TDRKH: variants seen among roughly 807,000 people sequenced by gnomAD.
TDRKH encodes the protein tudor and KH domain containing, also known as tudor and KH domain-containing protein.
Under a neutral mutation model 61.3 loss-of-function variants are expected in TDRKH, and 28 were observed. That is an observed-to-expected ratio of 0.46 (90% CI 0.34 to 0.63). The LOEUF is 0.63. Ranked by LOEUF, TDRKH falls within the 20% of genes least tolerant of loss-of-function variation. The pLI, the probability that TDRKH is intolerant of heterozygous loss-of-function variation, is 0.01. For missense variants in TDRKH, 540 were observed against 683.4 expected (o/e 0.79, Z 2.34); for synonymous variants, 219 against 244.4 (o/e 0.90, Z 0.97).
In TDRKH at chr1:151,774,732, G is replaced by A. The variant is rs1166098522; in HGVS notation, c.1611C>T (p.Thr537=). The A allele has an allele frequency of 6.2e-7, 1 of 1,614,168 alleles. No individual in the cohort carries two copies. The highest frequency in any genetic ancestry group is 8.5e-7 in the Non-Finnish European group (1 of 1,180,028). Residue 537 remains threonine (T), a synonymous_variant, in exon 12 of 13, where the codon ACC becomes ACT. Coordinates refer to ENST00000368824, the MANE Select transcript of TDRKH (RefSeq NM_001083965.2). The part of the protein sequence containing the change: ...TKKSSGEITH[T]LSCLSLSEAA... ...TACCTGATAAGCTGAGGCAGGACAG[G>A]GTATGTGTTATCTCTCCAGAGCTCT...
chr1:151,777,891 CT>C (rs916970307), intron 6 of TDRKH, among the ~76,000 whole-genome samples: 7 of 147,654 alleles, frequency 4.7e-5, no homozygotes, highest in Non-Finnish European at 6.0e-5. Flanking sequence ...GCCAGTATTT[CT>C]TTTTTTTTTA....
chr1:151,768,288 T>G, downstream of TDRKH: 1 of 1,557,926 alleles, frequency 6.4e-7, no homozygotes, highest in Non-Finnish European at 8.7e-7. Context: ...ATTTCACCCT[T>G]CTATCATGTC....
Position 151,774,764 on chromosome 1 carries a change from T to C in TDRKH, c.1579A>G (p.Thr527Ala). 1 of 1,614,196 alleles carries C rather than the reference T, an allele frequency of 6.2e-7. No individual in the cohort carries two copies. Among genetic ancestry groups the C allele is most frequent in the Middle Eastern group, 1.6e-4 (1 of 6,062 alleles). Reference protein sequence around the residue: ...DASLSTLLTETKKSSGEITHT... With the variant: ...DASLSTLLTEAKKSSGEITHT... ...GTTATCTCTCCAGAGCTCTTTTTGG[T>C]CTCAGTGAGCAACGTGCTGAGAGAG... The change falls in exon 12 of 13, where the codon ACC becomes GCC. Residue 527 changes from threonine (T) to alanine (A), a missense_variant. This residue lies in a region of TDRKH where 379 missense variants were observed against 443.8 expected (regional missense o/e 0.85). Transcript: ENST00000368824.
chr1:151,789,591 T>C (rs2101632723), intron 1 of TDRKH, among the ~76,000 whole-genome samples: 1 of 152,358 alleles, frequency 6.6e-6, no homozygotes. Flanking sequence ...GACATTTGTA[T>C]TGAACAATTG....
chr1:151,775,937 C>T (rs1450569660), intron 8 of TDRKH, 53 bp from the exon 9 acceptor site: 11 of 1,596,496 alleles, frequency 6.9e-6, no homozygotes, highest in Admixed American at 1.7e-5. Flanking sequence ...CATCTTCTTA[C>T]ATTGCTGCTT....
At chr1:151,779,618 C>T (rs1230970231) in intron 4 of TDRKH, 3 of 372,090 alleles carry the variant, frequency 8.1e-6, no homozygotes, top group Non-Finnish European at 1.4e-5. Flanking sequence ...TAGGGGAAAG[C>T]ATAAAAGGTA....
Position 151,779,957 on chromosome 1 carries a change from T to C in TDRKH, c.415A>G (p.Ile139Val), listed in dbSNP as rs768805114. ...GGAAGCCATCCAGTGGTACCTATGA[T>C]TCTGCCCACAGATCTCTGGGGAACT... is the stretch of plus-strand genomic sequence containing the variant. ...LSVPQRSVGR[I>V]IGRGGETIRS... The change falls in exon 4 of 13, where the codon ATC (isoleucine) becomes GTC (valine). Residue 139 changes from isoleucine to valine, a missense_variant. This residue lies in a region of TDRKH where 156 missense variants were observed against 218.0 expected (regional missense o/e 0.72). Transcript: ENST00000368824. 6.2e-7 allele frequency: 1 copy of C among 1,611,254 alleles called. No homozygotes were observed. The highest frequency in any genetic ancestry group is 1.3e-5 in the African/African-American group (1 of 74,886).
intron 4 of TDRKH, chr1:151,779,708 A>T (rs1265809390): frequency 4.4e-6 from 2 of 455,016 alleles, no homozygotes; most frequent in Non-Finnish European, 7.8e-6. Context: ...TATAAGGTAA[A>T]TATAATACAT....
At chr1:151,773,038 A>ATTTTGTAT (rs575801678), downstream of TDRKH, among the ~76,000 whole-genome samples, 296 of 150,174 alleles carry the variant, frequency 2.0e-3, 1 homozygote, top group African/African-American at 6.9e-3. Flanking sequence ...TAATTTTTGT[A>ATTTTGTAT]TTTTGTATTT....
In TDRKH at chr1:151,782,971, C is replaced by T. The variant is rs369717003; in HGVS notation, c.52G>A (p.Ala18Thr). ...WTSLSTIQKI[A>T]LGLGIPASAT... ...CTGGCTGGGATCCCAAGGCCCAGGG[C>T]TATTTTCTGAATGGTGGACAGGCTT... is the stretch of plus-strand genomic sequence containing the variant. The change falls in exon 2 of 13, where the codon GCC (alanine) becomes ACC (threonine). Residue 18 changes from alanine (A) to threonine (T), a missense_variant. Around this residue, in one of 3 missense-constraint regions of TDRKH, gnomAD observed 156 missense variants for 218.0 expected, o/e 0.72. Coordinates refer to ENST00000368824, the MANE Select transcript of TDRKH (RefSeq NM_001083965.2). 71 of 1,613,588 alleles carry T rather than the reference C, an allele frequency of 4.4e-5. No homozygotes were observed. Among genetic ancestry groups the T allele is most frequent in the Non-Finnish European group, 5.7e-5 (67 of 1,179,890 alleles).
In TDRKH at chr1:151,775,477, G is replaced by A. The variant is rs748920436; in HGVS notation, c.1349C>T (p.Pro450Leu). Residue 450 changes from proline to leucine, a missense_variant, in exon 10 of 13, where the codon CCT becomes CTT. This residue lies in a region of TDRKH where 379 missense variants were observed against 443.8 expected (regional missense o/e 0.85). Transcript: ENST00000368824. ...ATAGCTAGAGATCTTGGCTACCAGA[G>A]GCTTCCAGTCAGCACAATGAGTGAG... ...DRLTHCADWK[P>L]LVAKISSYVQ... 5.0e-6 allele frequency: 8 copies of A among 1,614,154 alleles called. No individual in the cohort carries two copies. The highest frequency in any genetic ancestry group is 3.3e-5 in the South Asian group (3 of 91,074).
At chr1:151,767,888 G>A, downstream of TDRKH, 1 of 823,854 alleles carries the variant, frequency 1.2e-6, no homozygotes, top group Non-Finnish European at 1.9e-6. Context: ...CTCCACAATA[G>A]GCATAGGCTA....
rs1282415264 is a variant in TDRKH, at chr1:151,773,642, C to A, written c.*810G>T. 6.6e-6 allele frequency: 1 copy of A among 152,264 alleles called. No individual in the cohort carries two copies. The highest frequency in any genetic ancestry group is 1.5e-5 in the Non-Finnish European group (1 of 68,042). The allele number at this position is 152,264 out of a possible 1,614,324, so 9.4% of individuals were successfully genotyped here. A position where few individuals can be genotyped will look rare whatever the true frequency, so the allele number is the denominator to read the frequency against. On this transcript the variant is annotated 3_prime_UTR_variant, in exon 13 of 13. Coordinates refer to ENST00000368824, the MANE Select transcript of TDRKH (RefSeq NM_001083965.2). Reference sequence around the variant, plus strand: ...GAAAATTTCCTGAGCCTCCTGTCTCCTTTCTACTTATATTTTAACTAAAGG... The same window carrying A: ...GAAAATTTCCTGAGCCTCCTGTCTCATTTCTACTTATATTTTAACTAAAGG...
At chr1:151,767,368 A>G, downstream of TDRKH, 2 of 1,562,592 alleles carry the variant, frequency 1.3e-6, no homozygotes, top group Non-Finnish European at 1.7e-6. Context: ...GAGGAGGGAC[A>G]TTAGCAAGTT....
At chr1:151,767,416 G>A (rs1648404154), downstream of TDRKH, 4 of 1,499,120 alleles carry the variant, frequency 2.7e-6, no homozygotes, top group East Asian at 2.3e-5. Context: ...ATCTTGGAAC[G>A]CATGTGTAAA....
chr1:151,790,053 G>GTGA (rs1461717434), intron 1 of TDRKH, among the ~76,000 whole-genome samples: 2 of 152,218 alleles, frequency 1.3e-5, no homozygotes, highest in Non-Finnish European at 2.9e-5. Flanking sequence ...TAAAGGCAAA[G>GTGA]TGATATACGG....
chr1:151,782,561 C>T (rs138870942), intron 2 of TDRKH, among the ~76,000 whole-genome samples: 6,178 of 152,166 alleles, frequency 0.041, 401 homozygotes, highest in African/African-American at 0.14. Flanking sequence ...TTTGGGAGGC[C>T]GAGGCAGGTG....
At chr1:151,787,680 A>C (rs1399478374) in intron 1 of TDRKH, among the ~76,000 whole-genome samples, 1 of 151,848 alleles carries the variant, frequency 6.6e-6, no homozygotes, top group East Asian at 1.9e-4. Context: ...AAACATAAAC[A>C]CCAAAACAGG....
intron 9 of TDRKH, 119 bp downstream of exon 9, chr1:151,775,701 G>A (rs1649096781): frequency 3.4e-6 from 5 of 1,490,826 alleles, no homozygotes; most frequent in African/African-American, 2.8e-5. Flanking sequence ...TGCTGGTGAG[G>A]AAAAGGCACC....
Sources: gnomAD v4.1 joint callset for allele counts (sites outside exome capture counted in the v4.1 genomes callset) on GRCh38, gnomAD v4.1.1 for gene constraint, gnomAD v4.1.1 regional missense constraint, MANE v1.5 for transcripts, NCBI Gene and HGNC (gene_info 2026-07-23, HGNC 2026-07-21) for gene names.